YTHDF1: variants seen among roughly 807,000 people sequenced by gnomAD.
The protein encoded by YTHDF1 is YTH N6-methyladenosine RNA binding protein F1.
Under a neutral mutation model 49.1 loss-of-function variants are expected in YTHDF1, and 16 were observed. The observed-to-expected ratio is 0.33, with a 90% CI of 0.22 to 0.49. The LOEUF (loss-of-function observed/expected upper bound fraction) is 0.49, where lower values mean the gene tolerates loss of function less well. Ranked by LOEUF, YTHDF1 falls within the 20% of genes least tolerant of loss-of-function variation. The pLI is 0.99. For missense variants in YTHDF1, 621 were observed against 744.3 expected (o/e 0.83, Z 1.93); for synonymous variants, 313 against 290.1 (o/e 1.08, Z -0.80).
At chr20:63,197,832 G>A (rs143024259) in intron 4 of YTHDF1, among the ~76,000 whole-genome samples, 28 of 152,170 alleles carry the variant, frequency 1.8e-4, no homozygotes, top group Middle Eastern at 3.4e-3. Flanking sequence ...GAAAACCAGC[G>A]GGCAGGACAC....
chr20:63,209,311 G>A (rs55973972), intron 3 of YTHDF1, among the ~76,000 whole-genome samples: 46,045 of 152,042 alleles, frequency 0.3, 6,931 homozygotes, highest in Middle Eastern at 0.42. Flanking sequence ...AGCCTACTAT[G>A]GCTTTTTTAC....
At position 63,208,541 on chromosome 20, in the gene YTHDF1, C is replaced by G. The variant is rs370760493; in HGVS notation, c.133-4734G>C. On this transcript the variant is annotated intron_variant, in intron 3 of 4. Coordinates refer to ENST00000370339, the MANE Select transcript of YTHDF1 (RefSeq NM_017798.4). ...ATTTCAGCCCCTCAGCTGGTGGCATCAATATGCAGAGACAGCAGTTTCTGA... is the reference window on the plus strand; with the variant it reads ...ATTTCAGCCCCTCAGCTGGTGGCATGAATATGCAGAGACAGCAGTTTCTGA... Among the ~76,000 whole-genome samples, 8 of 152,352 alleles carry G rather than the reference C, an allele frequency of 5.3e-5. No homozygotes were observed. In the East Asian group the frequency reaches 9.6e-4, roughly 18 times the overall value.
intron 4 of YTHDF1, among the ~76,000 whole-genome samples, chr20:63,197,655 G>A (rs1668092061): frequency 6.6e-6 from 1 of 152,054 alleles, no homozygotes; most frequent in Admixed American, 6.5e-5. Context: ...GAGGCGAGAG[G>A]ATCGCTTGAG....
chr20:63,208,402 G>C (rs935189089), intron 3 of YTHDF1, among the ~76,000 whole-genome samples: 1 of 152,214 alleles, frequency 6.6e-6, no homozygotes, highest in African/African-American at 2.4e-5. Context: ...TTCAGGAGAA[G>C]CCTTAGGGAG....
Position 63,202,804 on chromosome 20 carries a change from G to C in YTHDF1, c.1136C>G (p.Pro379Arg). The part of the protein sequence containing the change: ...EKLKAAHSYN[P>R]KEFEWNLKSG... ...TTTCAGATTCCACTCAAACTCTTTC[G>C]GGTTGTAGCTGTGAGCAGCCTTCAG... Residue 379 changes from proline (P) to arginine (R), a missense_variant, in exon 4 of 5, where the codon CCG becomes CGG. By Grantham distance (103) the Pro-to-Arg change is moderately radical (BLOSUM62 -2). Transcript: ENST00000370339. The C allele has an allele frequency of 3.1e-6, 5 of 1,614,062 alleles. No homozygotes were observed. Among genetic ancestry groups the C allele is most frequent in the South Asian group, 1.1e-5 (1 of 91,082 alleles).
intron 2 of YTHDF1, among the ~76,000 whole-genome samples, chr20:63,214,641 G>A (rs1201091962): frequency 6.6e-6 from 1 of 152,162 alleles, no homozygotes; most frequent in Admixed American, 6.5e-5. Flanking sequence ...CAGGTCATAG[G>A]TAGATAAGAG....
At chr20:63,210,034 G>C (rs576766564) in intron 3 of YTHDF1, among the ~76,000 whole-genome samples, 1 of 152,158 alleles carries the variant, frequency 6.6e-6, no homozygotes, top group East Asian at 1.9e-4. Flanking sequence ...GGTACTGTAC[G>C]TAACTGTAGG....
At chr20:63,210,519 C>T (rs1305228870) in intron 3 of YTHDF1, among the ~76,000 whole-genome samples, 2 of 152,166 alleles carry the variant, frequency 1.3e-5, no homozygotes, top group Non-Finnish European at 2.9e-5. Flanking sequence ...CACTGTGGCT[C>T]ATGCTTGTAA....
At chr20:63,201,132 C>T (rs1733954754) in intron 4 of YTHDF1, among the ~76,000 whole-genome samples, 1 of 151,556 alleles carries the variant, frequency 6.6e-6, no homozygotes, top group Admixed American at 6.6e-5. Context: ...CTTCTTTTCT[C>T]ACAAAAGAGA....
chr20:63,216,124 GCGGCGACAGCAGCGGCGA>G, exon 1 of YTHDF1: 1 of 168,320 alleles, frequency 5.9e-6, no homozygotes, highest in Non-Finnish European at 1.2e-5. Flanking sequence ...GGCGGCGGCG[GCGGCGACAGCAGCGGCGA>G]CGGCGGCGGC....
chr20:63,214,432 T>G (rs1214996523), intron 2 of YTHDF1, among the ~76,000 whole-genome samples: 1 of 152,228 alleles, frequency 6.6e-6, no homozygotes, highest in Admixed American at 6.5e-5. Context: ...CAGGTCTCAG[T>G]TAATTTAGAA....
intron 2 of YTHDF1, among the ~76,000 whole-genome samples, chr20:63,214,645 A>C (rs750388511): frequency 6.6e-6 from 1 of 152,216 alleles, no homozygotes; most frequent in Non-Finnish European, 1.5e-5. Context: ...TCATAGGTAG[A>C]TAAGAGACAA....
chr20:63,216,042 G>T lies in YTHDF1; in HGVS notation c.-150C>A. 1 of 570,520 alleles carries T rather than the reference G, an allele frequency of 1.8e-6. No individual in the cohort carries two copies. Among genetic ancestry groups the T allele is most frequent in the Non-Finnish European group, 2.2e-6 (1 of 451,940 alleles). The allele number at this position is 570,520 out of a possible 1,614,324, so 35.3% of individuals were successfully genotyped here. A position where few individuals can be genotyped will look rare whatever the true frequency, so the allele number is the denominator to read the frequency against. On this transcript the variant is annotated 5_prime_UTR_variant, in exon 1 of 5. Transcript: ENST00000370339. ...GGCGGCGGCGGCGGCTGCTGGGCGC[G>T]CGGGCCCCTGGCGAGGCGGCAGCGG...
chr20:63,215,848 G>A lies in YTHDF1; in HGVS notation c.27+18C>T. The A allele has an allele frequency of 8.2e-6, 12 of 1,457,940 alleles. No individual in the cohort carries two copies. Among genetic ancestry groups the A allele is most frequent in the Non-Finnish European group, 9.0e-6 (10 of 1,106,130 alleles). The allele number at this position is 1,457,940 out of a possible 1,614,324, so 90.3% of individuals were successfully genotyped here. A position where few individuals can be genotyped will look rare whatever the true frequency, so the allele number is the denominator to read the frequency against. ...CGCCTCGGCCCCGGCCGCGGCCCCT[G>A]TAACCCGGCCCCGCTACCTGGGTGT... is the stretch of plus-strand genomic sequence containing the variant. On this transcript the variant is annotated intron_variant, in intron 1 of 4. Transcript: ENST00000370339.
chr20:63,214,492 G>A (rs2066591614), intron 2 of YTHDF1, among the ~76,000 whole-genome samples: 2 of 152,186 alleles, frequency 1.3e-5, no homozygotes, highest in Admixed American at 1.3e-4. Flanking sequence ...ACCTCAGGAG[G>A]TCTTGACAAC....
At chr20:63,215,782 G>C in intron 1 of YTHDF1, 84 bp downstream of exon 1, 1 of 1,409,148 alleles carries the variant, frequency 7.1e-7, no homozygotes, top group South Asian at 1.4e-5. Flanking sequence ...CCGCGACCCC[G>C]GGCTCTGCGT....
chr20:63,205,510 C>G (rs941693303), intron 3 of YTHDF1, among the ~76,000 whole-genome samples: 6 of 137,532 alleles, frequency 4.4e-5, no homozygotes, highest in East Asian at 2.2e-4. Context: ...ATTCCAGAAC[C>G]CCCCCCTTTT....
At chr20:63,210,383 T>C (rs1336073078) in intron 3 of YTHDF1, among the ~76,000 whole-genome samples, 1 of 152,120 alleles carries the variant, frequency 6.6e-6, no homozygotes. Context: ...CAAGACAGTG[T>C]CTTCTAAACT....
intron 2 of YTHDF1, 101 bp downstream of exon 2, chr20:63,215,476 G>A: frequency 2.0e-6 from 3 of 1,517,248 alleles, no homozygotes; most frequent in Non-Finnish European, 1.8e-6. Context: ...GAAGCTGGCG[G>A]AAGAGAGAAA....
Sources: allele counts gnomAD v4.1 joint callset (sites outside exome capture counted in the v4.1 genomes callset), GRCh38; gene constraint gnomAD v4.1.1; transcripts MANE v1.5; gene names NCBI Gene and HGNC (gene_info 2026-07-23, HGNC 2026-07-21).